Variants in GFOD1 observed in about 807,000 individuals in gnomAD.
The protein encoded by GFOD1 is glucose-fructose oxidoreductase domain-containing protein 1.
Under a neutral mutation model 25.4 loss-of-function variants are expected in GFOD1, and 9 were observed. The ratio of observed to expected loss-of-function variants is 0.35; its 90% CI spans 0.21 to 0.62. GFOD1 has a LOEUF of 0.62. Among genes scored for constraint, GFOD1 ranks in the 20% least tolerant of loss-of-function variants. GFOD1 has a pLI of 0.72. For synonymous variants in GFOD1, 253 were observed against 245.6 expected, an observed-to-expected ratio of 1.03 and a Z score of -0.28; for missense variants, 403 against 556.9, an observed-to-expected ratio of 0.72 and a Z score of 2.78.
Position 13,364,413 on chromosome 6 carries a change from A to C in GFOD1, c.*330T>G. 1 of 306,294 alleles carries C rather than the reference A, an allele frequency of 3.3e-6. No homozygotes were observed. 19.0% of individuals were successfully genotyped at this position (306,294 alleles called of 1,614,324 possible). On this transcript the variant is annotated 3_prime_UTR_variant, in exon 2 of 2. Transcript: ENST00000379287. The surrounding 1 kb of genome is among the most constrained non-coding windows in gnomAD (Gnocchi z 4.1). Reference sequence around the variant, plus strand: ...CCAAGGTGTGTGGGATGGATGAGGTAGGGAGGGAAGCAACCCCTCCTTGCT... The same window carrying C: ...CCAAGGTGTGTGGGATGGATGAGGTCGGGAGGGAAGCAACCCCTCCTTGCT...
chr6:13,473,819 T>C (rs1758558583), intron 1 of GFOD1, among the ~76,000 whole-genome samples: 1 of 152,084 alleles, frequency 6.6e-6, no homozygotes, highest in African/African-American at 2.4e-5. Context: ...GGAATGCCCC[T>C]TTCCTCAGCT....
rs563413571 is a variant in GFOD1, at chr6:13,476,725, G to A, written c.253+9913C>T. 3.4e-4 allele frequency among the ~76,000 whole-genome samples: 52 copies of A among 152,200 alleles called. No individual in the cohort carries two copies. In the South Asian group the frequency reaches 0.011, roughly 32 times the overall value. On this transcript the variant is annotated intron_variant, in intron 1 of 1. Coordinates refer to ENST00000379287, the MANE Select transcript of GFOD1 (RefSeq NM_018988.4). ...AAAGAAGCATCTTAATACTCTAAAGGCTATTAAAATTAGAGACTGGAAAAT... is the reference window on the plus strand; with the variant it reads ...AAAGAAGCATCTTAATACTCTAAAGACTATTAAAATTAGAGACTGGAAAAT...
intron 1 of GFOD1, among the ~76,000 whole-genome samples, chr6:13,388,248 G>A (rs10948650): frequency 0.49 from 74,561 of 152,064 alleles, 19,497 homozygotes; most frequent in East Asian, 0.68. Context: ...TTCTTCACAG[G>A]ATTGGAAAAA....
At chr6:13,420,097 G>C (rs1286061267) in intron 1 of GFOD1, among the ~76,000 whole-genome samples, 4 of 152,104 alleles carry the variant, frequency 2.6e-5, no homozygotes, top group Non-Finnish European at 4.4e-5. Flanking sequence ...GCACAGAGAA[G>C]GGGCTCAGTC....
At chr6:13,409,149 GA>G (rs1786010133) in intron 1 of GFOD1, among the ~76,000 whole-genome samples, 2 of 36,424 alleles carry the variant, frequency 5.5e-5, no homozygotes, top group African/African-American at 1.4e-4. Context: ...AAGAAAGAAA[GA>G]GAGGAAAGAA....
chr6:13,397,145 C>G (rs1785748717), intron 1 of GFOD1, among the ~76,000 whole-genome samples: 1 of 152,094 alleles, frequency 6.6e-6, no homozygotes, highest in Admixed American at 6.5e-5. Flanking sequence ...ATTGTGGGTG[C>G]CCACAGTGGT....
chr6:13,415,332 G>A (rs1165844089), intron 1 of GFOD1, among the ~76,000 whole-genome samples: 7 of 152,148 alleles, frequency 4.6e-5, no homozygotes, highest in African/African-American at 1.4e-4. Flanking sequence ...CAGTTGGCCT[G>A]CCCTTCTGCC....
intron 1 of GFOD1, among the ~76,000 whole-genome samples, chr6:13,379,533 C>T (rs1178643325): frequency 6.6e-6 from 1 of 152,152 alleles, no homozygotes; most frequent in African/African-American, 2.4e-5. Flanking sequence ...ACCAGCACCA[C>T]TGCAAGCAAC....
intron 1 of GFOD1, among the ~76,000 whole-genome samples, chr6:13,432,892 G>A (rs1757775912): frequency 6.6e-6 from 1 of 152,168 alleles, no homozygotes; most frequent in African/African-American, 2.4e-5. Flanking sequence ...AAGACAGAGT[G>A]TCAATAAACA....
chr6:13,484,829 A>G (rs1345770648), intron 1 of GFOD1, among the ~76,000 whole-genome samples: 1 of 152,216 alleles, frequency 6.6e-6, no homozygotes, highest in African/African-American at 2.4e-5. Context: ...GTCTGAACCC[A>G]GGACAGGAAC....
chr6:13,454,607 C>T (rs1209652352), intron 1 of GFOD1, among the ~76,000 whole-genome samples: 1 of 152,204 alleles, frequency 6.6e-6, no homozygotes, highest in Non-Finnish European at 1.5e-5. Flanking sequence ...TTCCATGCTA[C>T]CCGCCAGCTC....
chr6:13,468,250 G>A (rs1457054960), intron 1 of GFOD1, among the ~76,000 whole-genome samples: 2 of 151,948 alleles, frequency 1.3e-5, no homozygotes, highest in Non-Finnish European at 2.9e-5. Context: ...ATGCTTCTGT[G>A]TCCTTTTTCT....
In GFOD1 at chr6:13,366,682, CAG is replaced by C. The variant is rs199802951; in HGVS notation, c.254-1022_254-1021del. Among the ~76,000 whole-genome samples, 432 of 151,500 alleles carry C rather than the reference CAG, an allele frequency of 2.9e-3. 6 individuals are homozygous for C. The East Asian group carries it at 0.041, about 14-fold the overall frequency. ...GGGTCTCCAATTTTTTTTTAAGAGA[CAG>C]GGGTCTCCTTATATTGTTCAGGCCG... On this transcript the variant is annotated intron_variant, in intron 1 of 1. Transcript: ENST00000379287.
intron 1 of GFOD1, among the ~76,000 whole-genome samples, chr6:13,409,153 G>GAAAGAAAGAAAGAAAGAAAAAGAAA (rs368758101): frequency 2.3e-5 from 1 of 44,444 alleles, no homozygotes; most frequent in African/African-American, 6.5e-5. Flanking sequence ...AAGAAAGAGA[G>GAAAGAAAGAAAGAAAGAAAAAGAAA]GAAAGAAAGA....
intron 1 of GFOD1, among the ~76,000 whole-genome samples, chr6:13,367,783 A>G (rs1785075485): frequency 6.6e-6 from 1 of 151,844 alleles, no homozygotes; most frequent in South Asian, 2.1e-4. Context: ...AAAGAATGAC[A>G]CAGATTTGTT....
chr6:13,440,342 C>T (rs1266909610), intron 1 of GFOD1, among the ~76,000 whole-genome samples: 1 of 152,150 alleles, frequency 6.6e-6, no homozygotes, highest in African/African-American at 2.4e-5. Flanking sequence ...GCACCCACCA[C>T]CACGCTCAGC....
In GFOD1 at chr6:13,456,071, G is replaced by A. The variant is rs888479849; in HGVS notation, c.253+30567C>T. Among the ~76,000 whole-genome samples the A allele has an allele frequency of 5.3e-5, 8 of 152,312 alleles. No homozygotes were observed. In the South Asian group the frequency reaches 1.2e-3, roughly 24 times the overall value. The stretch of plus-strand genomic sequence containing the variant: ...AAGAAGGACATGGGTCTCAGAGGTG[G>A]GTTTTAAAGTGCAACAGCCCTACCT... On this transcript the variant is annotated intron_variant, in intron 1 of 1. Transcript: ENST00000379287.
intron 1 of GFOD1, among the ~76,000 whole-genome samples, chr6:13,438,861 G>A (rs1055565977): frequency 3.3e-5 from 5 of 152,172 alleles, no homozygotes; most frequent in African/African-American, 1.2e-4. Flanking sequence ...TGGTACTTAG[G>A]TGAAGGTGTT....
rs1758383958 is a variant in GFOD1, at chr6:13,466,617, T to C, written c.253+20021A>G. ...ATACAATTTCTGACCTGCAGTTGCT[T>C]GGGATGGATAATATCCCCTTGATCT... On this transcript the variant is annotated intron_variant, in intron 1 of 1. Transcript: ENST00000379287. Among the ~76,000 whole-genome samples the C allele has an allele frequency of 2.0e-5, 3 of 152,320 alleles. No individual in the cohort carries two copies. The South Asian group carries it at 6.2e-4, about 32-fold the overall frequency.
Sources: gnomAD v4.1 joint callset for allele counts (sites outside exome capture counted in the v4.1 genomes callset) on GRCh38, gnomAD v4.1.1 for gene constraint, Gnocchi (gnomAD v3.1) non-coding constraint, MANE v1.5 for transcripts, NCBI Gene and HGNC (gene_info 2026-07-23, HGNC 2026-07-21) for gene names.